The following KCNK9 variants were observed in gnomAD, a reference collection of about 807,000 sequenced individuals.
The protein encoded by KCNK9 is potassium two pore domain channel subfamily K member 9.
In KCNK9, 1 loss-of-function variant was observed where a neutral mutation model predicts 10.8. The ratio of observed to expected loss-of-function variants is 0.09; its 90% CI spans 0.03 to 0.44. KCNK9 has a LOEUF of 0.44. Among genes scored for constraint, KCNK9 ranks in the 20% least tolerant of loss-of-function variants. The pLI is 0.97. For missense variants in KCNK9, 303 were observed against 515.0 expected (o/e 0.59, Z 3.98); for synonymous variants, 231 against 222.7 (o/e 1.04, Z -0.33).
At chr8:139,603,882 A>T (rs1817427519) in intron 2 of KCNK9, among the ~76,000 whole-genome samples, 1 of 152,220 alleles carries the variant, frequency 6.6e-6, no homozygotes, top group Admixed American at 6.5e-5. Context: ...TTAGGTCATA[A>T]ACCAAGAGCC....
At chr8:139,698,520 C>A (rs1044040952) in intron 1 of KCNK9, among the ~76,000 whole-genome samples, 1 of 152,248 alleles carries the variant, frequency 6.6e-6, no homozygotes, top group Admixed American at 6.5e-5. Context: ...GGAACATACC[C>A]CCTGCATGTG....
At chr8:139,633,890 G>A (rs763048492) in intron 1 of KCNK9, among the ~76,000 whole-genome samples, 1 of 152,254 alleles carries the variant, frequency 6.6e-6, no homozygotes, top group Non-Finnish European at 1.5e-5. Context: ...GCCTCTCCCT[G>A]GAGCCTGCAG....
intron 1 of KCNK9, among the ~76,000 whole-genome samples, chr8:139,626,989 A>G (rs1814998079): frequency 1.3e-5 from 2 of 152,162 alleles, no homozygotes. Flanking sequence ...ACTCGGCATG[A>G]TTTAAACCCA....
chr8:139,681,913 G>C (rs1410928828), intron 1 of KCNK9, among the ~76,000 whole-genome samples: 2 of 152,254 alleles, frequency 1.3e-5, no homozygotes, highest in Non-Finnish European at 2.9e-5. Context: ...AGATGGCCCA[G>C]ACCCAGGTGG....
At chr8:139,699,259 G>T (rs968395373) in intron 1 of KCNK9, among the ~76,000 whole-genome samples, 1 of 152,166 alleles carries the variant, frequency 6.6e-6, no homozygotes, top group Non-Finnish European at 1.5e-5. Context: ...GTGGGGAGAG[G>T]CTAAAGCGCC....
chr8:139,685,101 A>G (rs1156999891), intron 1 of KCNK9, among the ~76,000 whole-genome samples: 1 of 108,752 alleles, frequency 9.2e-6, no homozygotes, highest in Non-Finnish European at 2.2e-5. Context: ...GTAGAACTTT[A>G]TACACAAAAA....
chr8:139,685,077 T>C (rs891237544), intron 1 of KCNK9, among the ~76,000 whole-genome samples: 3 of 151,112 alleles, frequency 2.0e-5, no homozygotes, highest in Non-Finnish European at 4.4e-5. Flanking sequence ...ATAAGTTTGA[T>C]TTAATAGGTT....
chr8:139,702,885 G>T lies in KCNK9; in HGVS notation c.108C>A (p.Arg36=), dbSNP rs781296165. Reference sequence around the variant, plus strand: ...CCTCGGCTTTGAGTTTCTCCTCCTCGCGCATCTCGTGGTCCGACTCGAGGG... The same window carrying T: ...CCTCGGCTTTGAGTTTCTCCTCCTCTCGCATCTCGTGGTCCGACTCGAGGG... ...FDALESDHEM[R]EEEKLKAEEI... Residue 36 remains arginine, a synonymous_variant, in exon 1 of 2, where the codon CGC becomes CGA. Coordinates refer to ENST00000520439, the MANE Select transcript of KCNK9 (RefSeq NM_001282534.2). The surrounding 1 kb of genome is among the most constrained non-coding windows in gnomAD (Gnocchi z 7.5). 2.5e-6 allele frequency: 4 copies of T among 1,613,846 alleles called. No homozygotes were observed. The South Asian group carries it at 3.3e-5, about 13-fold the overall frequency.
chr8:139,619,515 C>A (rs1162140234), intron 1 of KCNK9, among the ~76,000 whole-genome samples: 1 of 152,106 alleles, frequency 6.6e-6, no homozygotes, highest in African/African-American at 2.4e-5. Context: ...AAGTACCAAG[C>A]CCAAGGGAGA....
At chr8:139,628,373 C>T (rs1423732814) in intron 1 of KCNK9, among the ~76,000 whole-genome samples, 1 of 152,232 alleles carries the variant, frequency 6.6e-6, no homozygotes, top group South Asian at 2.1e-4. Context: ...GCCGAGGAAC[C>T]CCATACCCTG....
At chr8:139,631,695 C>T (rs1815178994) in intron 1 of KCNK9, among the ~76,000 whole-genome samples, 1 of 151,912 alleles carries the variant, frequency 6.6e-6, no homozygotes, top group African/African-American at 2.4e-5. Flanking sequence ...GGAAACAAGC[C>T]TAAATTTAAA....
At chr8:139,631,369 G>T (rs1007585277) in intron 1 of KCNK9, among the ~76,000 whole-genome samples, 1 of 152,158 alleles carries the variant, frequency 6.6e-6, no homozygotes, top group African/African-American at 2.4e-5. Context: ...ACCCTTTGCG[G>T]GGTCAGTGGT....
chr8:139,681,355 G>T (rs1453033463), intron 1 of KCNK9, among the ~76,000 whole-genome samples: 11 of 152,254 alleles, frequency 7.2e-5, no homozygotes, highest in African/African-American at 2.7e-4. Context: ...GGCCGTGAAA[G>T]ACACCGGCAG....
intron 1 of KCNK9, among the ~76,000 whole-genome samples, chr8:139,651,469 T>A (rs1815861609): frequency 6.6e-6 from 1 of 152,200 alleles, no homozygotes; most frequent in South Asian, 2.1e-4. Context: ...CAGATTGCTG[T>A]GAATAGAGTG....
chr8:139,656,899 G>A (rs762491018), intron 1 of KCNK9, among the ~76,000 whole-genome samples: 3 of 152,152 alleles, frequency 2.0e-5, no homozygotes, highest in Non-Finnish European at 4.4e-5. Flanking sequence ...CCCAGGCCCT[G>A]CTCACCCTCC....
intron 1 of KCNK9, among the ~76,000 whole-genome samples, chr8:139,635,041 G>GA (rs1815296821): frequency 1.3e-5 from 2 of 152,236 alleles, no homozygotes; most frequent in African/African-American, 4.8e-5. Context: ...GAGGACCCCT[G>GA]AAGGGTAAGG....
chr8:139,610,891 A>G (rs1017996645), downstream of KCNK9, among the ~76,000 whole-genome samples: 1 of 152,226 alleles, frequency 6.6e-6, no homozygotes, highest in Non-Finnish European at 1.5e-5. Flanking sequence ...GAGTGGCAGG[A>G]TTCCACTGAC....
In KCNK9 at chr8:139,652,001, AC is replaced by A. The variant is rs1336064621; in HGVS notation, c.284-32903del. Among the ~76,000 whole-genome samples the A allele has an allele frequency of 2.6e-5, 4 of 152,064 alleles. No homozygotes were observed. In the East Asian group the frequency reaches 7.8e-4, roughly 30 times the overall value. On this transcript the variant is annotated intron_variant, in intron 1 of 1. Coordinates refer to ENST00000520439, the MANE Select transcript of KCNK9 (RefSeq NM_001282534.2). ...TGCAATGAGAAGCACCTGACCTCCC[AC>A]CCTTGGCTGTCTGACATTCTTTGTG... is the stretch of plus-strand genomic sequence containing the variant.
At chr8:139,611,003 C>T (rs77646834), downstream of KCNK9, among the ~76,000 whole-genome samples, 356 of 152,392 alleles carry the variant, frequency 2.3e-3, 1 homozygote, top group African/African-American at 8.2e-3. Flanking sequence ...CCATTTGCTC[C>T]TCTAAGGCTC....
Sources: allele counts gnomAD v4.1 joint callset (sites outside exome capture counted in the v4.1 genomes callset), GRCh38; gene constraint gnomAD v4.1.1; non-coding constraint Gnocchi (gnomAD v3.1); transcripts MANE v1.5; gene names NCBI Gene and HGNC (gene_info 2026-07-23, HGNC 2026-07-21).